RAB38: variants seen among roughly 807,000 people sequenced by gnomAD.
RAB38 encodes the protein ras-related protein Rab-38.
RAB38 carries 15 observed loss-of-function variants against 18.4 expected under a neutral mutation model. The ratio of observed to expected loss-of-function variants is 0.82; its 90% CI spans 0.55 to 1.26. The LOEUF is 1.26. Ranked by LOEUF, RAB38 falls within the 50% of genes most tolerant of loss-of-function variation. The probability of loss-of-function intolerance (pLI) is 0.00; values close to 1 mark genes in which losing one functional copy is unlikely to be tolerated. For synonymous variants in RAB38, 101 were observed against 104.4 expected (o/e 0.97, Z 0.20); for missense variants, 294 against 267.4 (o/e 1.10, Z -0.69).
chr11:88,092,012 G>A, the RAB38 span, among the ~76,000 whole-genome samples: 2 of 151,872 alleles, frequency 1.3e-5, no homozygotes, highest in Non-Finnish European at 2.9e-5. Context: ...ATGGAAAGCA[G>A]TGGTAGCTTC....
At chr11:88,067,914 A>ATT in the RAB38 span, among the ~76,000 whole-genome samples, 28 of 148,932 alleles carry the variant, frequency 1.9e-4, no homozygotes, top group African/African-American at 6.3e-4. Flanking sequence ...TTAAGGTAAA[A>ATT]TTATATATAT....
chr11:88,025,627 T>G, the RAB38 span, among the ~76,000 whole-genome samples: 1 of 152,188 alleles, frequency 6.6e-6, no homozygotes, highest in African/African-American at 2.4e-5. Context: ...TGATAATAAG[T>G]GATATGGAGC....
At chr11:88,131,295 T>G (rs967499322) in intron 2 of RAB38, among the ~76,000 whole-genome samples, 1 of 152,204 alleles carries the variant, frequency 6.6e-6, no homozygotes, top group African/African-American at 2.4e-5. Flanking sequence ...ATTAATCCTG[T>G]GTAGGAATTT....
chr11:87,916,129 T>C, the RAB38 span, among the ~76,000 whole-genome samples: 2 of 152,130 alleles, frequency 1.3e-5, no homozygotes, highest in Non-Finnish European at 1.5e-5. Flanking sequence ...ATTTTGGCTT[T>C]TGTTTTGGTG....
At chr11:88,024,547 G>T in the RAB38 span, among the ~76,000 whole-genome samples, 1 of 152,122 alleles carries the variant, frequency 6.6e-6, no homozygotes, top group East Asian at 1.9e-4. Flanking sequence ...ATACCCAAAA[G>T]GAAGGAAATC....
the RAB38 span, among the ~76,000 whole-genome samples, chr11:87,963,944 A>C: frequency 1.3e-5 from 2 of 152,078 alleles, no homozygotes; most frequent in African/African-American, 4.8e-5. Context: ...CCGCTCACTA[A>C]AGGTGATCTG....
At chr11:88,154,545 C>A (rs1565218491) in intron 1 of RAB38, among the ~76,000 whole-genome samples, 1 of 152,218 alleles carries the variant, frequency 6.6e-6, no homozygotes, top group Non-Finnish European at 1.5e-5. Flanking sequence ...CTTTGCTCTA[C>A]TCCCAGGCAG....
At chr11:88,170,113 C>G (rs150300711) in intron 1 of RAB38, among the ~76,000 whole-genome samples, 2 of 152,308 alleles carry the variant, frequency 1.3e-5, no homozygotes, top group Middle Eastern at 3.4e-3. Context: ...CCAGATGACA[C>G]GACATGTCCT....
At chr11:88,020,229 A>T in the RAB38 span, among the ~76,000 whole-genome samples, 1 of 152,224 alleles carries the variant, frequency 6.6e-6, no homozygotes, top group South Asian at 2.1e-4. Flanking sequence ...CTTCACCAAT[A>T]GAGACACACA....
chr11:87,824,944 A>T, the RAB38 span, among the ~76,000 whole-genome samples: 2 of 152,096 alleles, frequency 1.3e-5, no homozygotes, highest in Admixed American at 1.3e-4. Context: ...TCATTGTGAA[A>T]TTTCAGAACA....
chr11:87,908,299 T>A, the RAB38 span, among the ~76,000 whole-genome samples: 3 of 151,994 alleles, frequency 2.0e-5, no homozygotes, highest in Non-Finnish European at 4.4e-5. Flanking sequence ...TCTTTCCCAC[T>A]AATCTTTCTA....
intron 2 of RAB38, among the ~76,000 whole-genome samples, chr11:88,122,080 C>T (rs1049393550): frequency 6.6e-6 from 1 of 151,676 alleles, no homozygotes; most frequent in Non-Finnish European, 1.5e-5. Flanking sequence ...TGTTAAGTTC[C>T]TGGCCCCTGA....
chr11:88,104,045 C>G, the RAB38 span, among the ~76,000 whole-genome samples: 2 of 152,086 alleles, frequency 1.3e-5, no homozygotes, highest in African/African-American at 4.8e-5. Flanking sequence ...CATGAGGCAC[C>G]TAACTGAACT....
the RAB38 span, among the ~76,000 whole-genome samples, chr11:87,905,691 T>G: frequency 5.3e-5 from 8 of 152,004 alleles, no homozygotes; most frequent in African/African-American, 1.7e-4. Context: ...CTTTGGAATC[T>G]TCACTGAGTT....
the RAB38 span, among the ~76,000 whole-genome samples, chr11:87,949,264 T>C: frequency 2.0e-5 from 3 of 152,198 alleles, no homozygotes; most frequent in African/African-American, 7.2e-5. Flanking sequence ...ATTGCATCTA[T>C]TTGATTCTTC....
chr11:88,092,902 A>G, the RAB38 span, among the ~76,000 whole-genome samples: 321 of 151,916 alleles, frequency 2.1e-3, 1 homozygote, highest in Non-Finnish European at 3.7e-3. Context: ...TCTAAGATAC[A>G]TAAGATCACA....
At chr11:88,040,445 G>A in the RAB38 span, among the ~76,000 whole-genome samples, 1 of 152,134 alleles carries the variant, frequency 6.6e-6, no homozygotes, top group Non-Finnish European at 1.5e-5. Context: ...GCCAGGTGAG[G>A]TGGCTAACAC....
Position 88,166,282 on chromosome 11 carries a change from T to C in RAB38, c.202+8901A>G, listed in dbSNP as rs146070882. ...TTGGGTGTCTCCACTGCTATGCCAT[T>C]ATCTCCTCTTCTCCACTGCACGAAC... On this transcript the variant is annotated intron_variant, in intron 1 of 2. Coordinates refer to ENST00000243662, the MANE Select transcript of RAB38 (RefSeq NM_022337.3). The C allele has an allele frequency of 2.0e-3, 299 of 152,280 alleles. 2 individuals are homozygous for C. Among genetic ancestry groups the C allele is most frequent in the African/African-American group, 6.9e-3 (285 of 41,550 alleles). The allele number at this position is 152,280 out of a possible 1,614,324, so 9.4% of individuals were successfully genotyped here.
At chr11:88,090,754 A>G in the RAB38 span, among the ~76,000 whole-genome samples, 2 of 151,926 alleles carry the variant, frequency 1.3e-5, no homozygotes, top group African/African-American at 4.8e-5. Context: ...AGCCAAAAAT[A>G]ACAAATGCCA....
Sources: gnomAD v4.1 joint callset for allele counts (sites outside exome capture counted in the v4.1 genomes callset) on GRCh38, gnomAD v4.1.1 for gene constraint, MANE v1.5 for transcripts, NCBI Gene and HGNC (gene_info 2026-07-23, HGNC 2026-07-21) for gene names.